Variants in PRUNE2 observed in about 807,000 individuals in gnomAD.
PRUNE2 encodes protein prune homolog 2.
In PRUNE2, 164 loss-of-function variants were observed where a neutral mutation model predicts 252.0. The ratio of observed to expected loss-of-function variants is 0.65; its 90% CI spans 0.57 to 0.74. PRUNE2 has a LOEUF of 0.74. Ranked by LOEUF, PRUNE2 falls within the 30% of genes least tolerant of loss-of-function variation. PRUNE2 has a pLI of 0.00. For synonymous variants in PRUNE2, 1,292 were observed against 1,350.2 expected (o/e 0.96, Z 0.94); for missense variants, 3,495 against 3,711.0 (o/e 0.94, Z 1.51).
chr9:76,678,787 C>T (rs2043087745), intron 9 of PRUNE2, among the ~76,000 whole-genome samples: 1 of 152,174 alleles, frequency 6.6e-6, no homozygotes, highest in South Asian at 2.1e-4. Flanking sequence ...GAGATGGTGC[C>T]ACTGCACTCC....
chr9:76,711,845 T>C (rs1385813020), intron 7 of PRUNE2, among the ~76,000 whole-genome samples: 10 of 152,286 alleles, frequency 6.6e-5, no homozygotes, highest in African/African-American at 2.2e-4. Flanking sequence ...AAGACAAAGA[T>C]GCTCCCGCAG....
intron 13 of PRUNE2, 25 bp from the exon 14 acceptor site, chr9:76,637,574 G>A (rs371619006): frequency 6.3e-5 from 101 of 1,600,388 alleles, no homozygotes; most frequent in Non-Finnish European, 7.9e-5. Context: ...GAAGAGGAAT[G>A]TTTTCAGTTC....
intron 1 of PRUNE2, among the ~76,000 whole-genome samples, chr9:76,883,506 T>C (rs1035033398): frequency 2.6e-5 from 4 of 152,216 alleles, no homozygotes; most frequent in African/African-American, 9.6e-5. Flanking sequence ...CTGGGGCTTG[T>C]TTTGAACAGG....
intron 6 of PRUNE2, among the ~76,000 whole-genome samples, chr9:76,749,449 G>A (rs182409099): frequency 1.1e-4 from 17 of 152,308 alleles, no homozygotes; most frequent in Non-Finnish European, 1.9e-4. Flanking sequence ...CTCACTTCAA[G>A]GTATTCTGTC....
chr9:76,703,340 T>A lies in PRUNE2; in HGVS notation c.8273A>T (p.Asn2758Ile). The A allele has an allele frequency of 6.4e-7, 1 of 1,573,032 alleles. No individual in the cohort carries two copies. Among genetic ancestry groups the A allele is most frequent in the Non-Finnish European group, 8.6e-7 (1 of 1,161,698 alleles). The part of the protein sequence containing the change: ...LELGTRISRP[N>I]GLLSEDVGMD... ...ATAAATCTAGCTTTTTGCTTACCCA[T>A]TTGGTCTTGATATCCTGGTTCCGAG... is the stretch of plus-strand genomic sequence containing the variant. The change falls in exon 9 of 19, where the codon AAT (asparagine) becomes ATT (isoleucine). Residue 2758 changes from asparagine to isoleucine, a missense_variant. Asn to Ile is a moderately radical substitution (Grantham distance 149, BLOSUM62 -3). Coordinates refer to ENST00000376718, the MANE Select transcript of PRUNE2 (RefSeq NM_015225.3).
At chr9:76,711,923 C>T (rs2046765652) in intron 7 of PRUNE2, among the ~76,000 whole-genome samples, 1 of 152,098 alleles carries the variant, frequency 6.6e-6, no homozygotes, top group South Asian at 2.1e-4. Flanking sequence ...AGGCATGGAG[C>T]CCAAAACAGG....
At position 76,709,890 on chromosome 9, in the gene PRUNE2, G is replaced by A. The variant is rs567816271; in HGVS notation, c.2384C>T (p.Ala795Val). ...PTDDGEPAAVAPFPAWSAFGK... is the reference protein window; with the variant it reads ...PTDDGEPAAVVPFPAWSAFGK... ...AAATGCACTCCAGGCTGGGAATGGC[G>A]CCACAGCTGCTGGTTCACCATCATC... Residue 795 changes from alanine to valine, a missense_variant, in exon 8 of 19, where the codon GCG becomes GTG. Coordinates refer to ENST00000376718, the MANE Select transcript of PRUNE2 (RefSeq NM_015225.3). The A allele has an allele frequency of 1.3e-5, 21 of 1,613,774 alleles. No homozygotes were observed. The highest frequency in any genetic ancestry group is 5.0e-5 in the Admixed American group (3 of 59,998).
intron 6 of PRUNE2, among the ~76,000 whole-genome samples, chr9:76,800,252 CA>C (rs2056459175): frequency 6.6e-6 from 1 of 151,938 alleles, no homozygotes. Flanking sequence ...TTCCTGTGTC[CA>C]AGTGTTCTCA....
At chr9:76,838,962 T>A (rs964085506) in intron 4 of PRUNE2, among the ~76,000 whole-genome samples, 2 of 152,172 alleles carry the variant, frequency 1.3e-5, no homozygotes, top group Admixed American at 1.3e-4. Context: ...AGGGCTAAAA[T>A]ACATTTATTT....
Position 76,637,504 on chromosome 9 carries a change from C to CATA in PRUNE2, c.8874_8876dup (p.Tyr2958_Met2959insIle). On this transcript the variant is annotated inframe_insertion, in exon 14 of 19. Coordinates refer to ENST00000376718, the MANE Select transcript of PRUNE2 (RefSeq NM_015225.3). ...GGGTTGCACCATTCAAGTACACAATCATATAGTCTTCAGCTACCATCAACT... is the reference window on the plus strand; with the variant it reads ...GGGTTGCACCATTCAAGTACACAATCATAATATAGTCTTCAGCTACCATCAACT... 1 of 1,613,302 alleles carries CATA rather than the reference C, an allele frequency of 6.2e-7. No homozygotes were observed. Among genetic ancestry groups the CATA allele is most frequent in the Non-Finnish European group, 8.5e-7 (1 of 1,179,496 alleles).
Position 76,678,830 on chromosome 9 carries a change from A to AAAAT in PRUNE2, c.8277-23332_8277-23329dup, listed in dbSNP as rs532676155. Among the ~76,000 whole-genome samples the AAAAT allele has an allele frequency of 3.9e-3, 594 of 152,354 alleles. 4 individuals are homozygous for AAAAT. The highest frequency in any genetic ancestry group is 0.014 in the African/African-American group (570 of 41,586). On this transcript the variant is annotated intron_variant, in intron 9 of 18. Transcript: ENST00000376718. ...GCGACAAAGTGAGACTCCGTCTCAAAAAATAAATAAATAAATAAAAATAAA... is the reference window on the plus strand; with the variant it reads ...GCGACAAAGTGAGACTCCGTCTCAAAAAATAAATAAATAAATAAATAAAAATAAA...
chr9:76,794,714 T>C (rs773979609), intron 6 of PRUNE2, among the ~76,000 whole-genome samples: 6 of 152,024 alleles, frequency 3.9e-5, no homozygotes, highest in Non-Finnish European at 8.8e-5. Context: ...TCTTCACCAT[T>C]TAGTAGCTGT....
chr9:76,661,574 A>T (rs1851446639), intron 9 of PRUNE2, among the ~76,000 whole-genome samples: 1 of 152,206 alleles, frequency 6.6e-6, no homozygotes, highest in South Asian at 2.1e-4. Flanking sequence ...AGCAAAACAG[A>T]CTTCAGAAAA....
At position 76,652,577 on chromosome 9, in the gene PRUNE2, A is replaced by G; in HGVS notation, c.8463T>C (p.Ser2821=). ...SLDQSEGSIL[S]DDNLDSPDEI... is the part of the protein sequence containing the mutation. ...CATCTGGACTGTCCAAGTTATCATC[A>G]GAGAGAATAGATCCTTCACTTTGGT... The change falls in exon 11 of 19, where the codon TCT becomes TCC. Residue 2821 remains serine, a synonymous_variant. Transcript: ENST00000376718. 6.2e-7 allele frequency: 1 copy of G among 1,612,912 alleles called. No homozygotes were observed. The highest frequency in any genetic ancestry group is 8.5e-7 in the Non-Finnish European group (1 of 1,178,960).
chr9:76,655,374 G>A (rs565440542), intron 10 of PRUNE2, 49 bp downstream of exon 10: 70 of 1,289,736 alleles, frequency 5.4e-5, no homozygotes, highest in Non-Finnish European at 7.0e-5. Context: ...TAATGAAAAC[G>A]TTGGGATACA....
At position 76,895,581 on chromosome 9, in the gene PRUNE2, C is replaced by G. The variant is rs186867641; in HGVS notation, c.36+10347G>C. 1.5e-4 allele frequency among the ~76,000 whole-genome samples: 23 copies of G among 152,164 alleles called. No homozygotes were observed. The East Asian group carries it at 4.4e-3, about 29-fold the overall frequency. On this transcript the variant is annotated intron_variant, in intron 1 of 18. Transcript: ENST00000376718. The stretch of plus-strand genomic sequence containing the variant: ...AATTTTTCTGAAATCGCTTATGCAC[C>G]ACACCTTTCTTCTTAAACAGGACAC...
chr9:76,682,356 T>C (rs2134241335), intron 9 of PRUNE2, among the ~76,000 whole-genome samples: 1 of 128,500 alleles, frequency 7.8e-6, no homozygotes, highest in Non-Finnish European at 1.6e-5. Flanking sequence ...GGATGATCAC[T>C]ATTAACTTTT....
chr9:76,816,676 G>C (rs1564365502), intron 6 of PRUNE2, among the ~76,000 whole-genome samples: 1 of 152,122 alleles, frequency 6.6e-6, no homozygotes, highest in African/African-American at 2.4e-5. Context: ...TCGGAGTTTG[G>C]TTATTTGGAG....
chr9:76,767,361 G>C (rs1043318616), intron 6 of PRUNE2, among the ~76,000 whole-genome samples: 1 of 151,888 alleles, frequency 6.6e-6, no homozygotes, highest in Admixed American at 6.6e-5. Flanking sequence ...CGAGGCAGGA[G>C]AATAGCTTGA....
Sources: gnomAD v4.1 joint callset for allele counts (sites outside exome capture counted in the v4.1 genomes callset) on GRCh38, gnomAD v4.1.1 for gene constraint, MANE v1.5 for transcripts, NCBI Gene and HGNC (gene_info 2026-07-23, HGNC 2026-07-21) for gene names.